The following RAD51B variants were observed in gnomAD, a reference collection of about 807,000 sequenced individuals.
RAD51B encodes RAD51 paralog B.
A neutral mutation model predicts 42.2 loss-of-function variants in RAD51B; 38 were observed. That is an observed-to-expected ratio of 0.90 (90% confidence interval 0.70 to 1.18). The LOEUF is 1.18. RAD51B is among the 50% of genes most tolerant of loss of function. RAD51B has a pLI of 0.00. For missense variants in RAD51B, 373 were observed against 400.7 expected, an observed-to-expected ratio of 0.93 and a Z score of 0.59; for synonymous variants, 154 against 145.2, an observed-to-expected ratio of 1.06 and a Z score of -0.43.
intron 9 of RAD51B, among the ~76,000 whole-genome samples, chr14:68,425,077 T>C (rs10151245): frequency 0.11 from 16,768 of 152,230 alleles, 1,537 homozygotes; most frequent in African/African-American, 0.25. Flanking sequence ...ACCTGGCCTA[T>C]ACCTATAATC....
rs188967934 is a variant in RAD51B, at chr14:68,056,796, C to T, written c.756+169592C>T. Among the ~76,000 whole-genome samples, 217 of 151,600 alleles carry T rather than the reference C, an allele frequency of 1.4e-3. 1 individual carries two copies. Among genetic ancestry groups the T allele is most frequent in the African/African-American group, 4.8e-3 (197 of 41,410 alleles). On this transcript the variant is annotated intron_variant, in intron 7 of 10. Coordinates refer to ENST00000471583, the MANE Select transcript of RAD51B (RefSeq NM_133510.4). Reference sequence around the variant, plus strand: ...TAATAAATAAAATAAGAAATATTTACGGCCAGGCGCGGTGGCTCACACCTG... The same window carrying T: ...TAATAAATAAAATAAGAAATATTTATGGCCAGGCGCGGTGGCTCACACCTG...
intron 10 of RAD51B, among the ~76,000 whole-genome samples, chr14:68,486,995 C>G (rs1883673665): frequency 6.6e-6 from 1 of 152,182 alleles, no homozygotes; most frequent in Admixed American, 6.5e-5. Context: ...AGTACGTATT[C>G]ACATGGCCTT....
intron 9 of RAD51B, among the ~76,000 whole-genome samples, chr14:68,442,615 A>C (rs1233786323): frequency 6.6e-6 from 1 of 151,044 alleles, no homozygotes; most frequent in Non-Finnish European, 1.5e-5. Context: ...TAATTTTTGT[A>C]TTTTTAGTAG....
intron 8 of RAD51B, among the ~76,000 whole-genome samples, chr14:68,352,194 A>G (rs2082804027): frequency 6.6e-6 from 1 of 152,254 alleles, no homozygotes; most frequent in African/African-American, 2.4e-5. Flanking sequence ...TGAATGAATG[A>G]TAGAATTAAT....
intron 9 of RAD51B, among the ~76,000 whole-genome samples, chr14:68,466,599 T>C (rs560918090): frequency 1.3e-5 from 2 of 152,338 alleles, no homozygotes; most frequent in African/African-American, 4.8e-5. Context: ...CCCAGAGTGT[T>C]GTCCACACCC....
rs138164768 is a variant in RAD51B, at chr14:68,433,780, T to C, written c.957+22253T>C. Reference sequence around the variant, plus strand: ...TCATTCTCCGTCCAGCTTTGTTCCATTGCTGGCGAGGAGCTGCGTTCCTTT... The same window carrying C: ...TCATTCTCCGTCCAGCTTTGTTCCACTGCTGGCGAGGAGCTGCGTTCCTTT... On this transcript the variant is annotated intron_variant, in intron 9 of 10. Coordinates refer to ENST00000471583, the MANE Select transcript of RAD51B (RefSeq NM_133510.4). Among the ~76,000 whole-genome samples the C allele has an allele frequency of 2.2e-4, 33 of 152,378 alleles. No individual in the cohort carries two copies. The East Asian group carries it at 5.4e-3, about 25-fold the overall frequency.
At chr14:68,075,774 G>T (rs767249929) in intron 7 of RAD51B, among the ~76,000 whole-genome samples, 13 of 152,198 alleles carry the variant, frequency 8.5e-5, no homozygotes, top group African/African-American at 1.7e-4. Context: ...AGAGGAGGGG[G>T]TGAGGGCTCA....
At chr14:68,663,360 T>G (rs1412640527) in intron 11 of RAD51B, among the ~76,000 whole-genome samples, 1 of 152,032 alleles carries the variant, frequency 6.6e-6, no homozygotes, top group Non-Finnish European at 1.5e-5. Context: ...TCAAGATATT[T>G]ATTTATCCTC....
At chr14:68,113,031 A>G (rs775412537) in intron 7 of RAD51B, among the ~76,000 whole-genome samples, 1 of 152,152 alleles carries the variant, frequency 6.6e-6, no homozygotes, top group Non-Finnish European at 1.5e-5. Flanking sequence ...GCCTGAAAAT[A>G]TTTTATAGAT....
intron 10 of RAD51B, chr14:68,563,329 TC>T (rs1363562489): frequency 1.0e-6 from 1 of 985,188 alleles, no homozygotes; most frequent in Non-Finnish European, 1.2e-6. Flanking sequence ...TGCTCCTTCT[TC>T]CCCTCCAGCT....
chr14:68,562,699 G>A (rs1594976056), intron 10 of RAD51B: 2 of 985,366 alleles, frequency 2.0e-6, no homozygotes, highest in Admixed American at 1.2e-4. Context: ...TGACTTGTTA[G>A]AGTGGCCATT....
chr14:68,525,569 T>C (rs905632190), intron 10 of RAD51B, among the ~76,000 whole-genome samples: 1 of 152,348 alleles, frequency 6.6e-6, no homozygotes, highest in South Asian at 2.1e-4. Flanking sequence ...CCCACCTGCA[T>C]ATGAGCACTT....
intron 10 of RAD51B, among the ~76,000 whole-genome samples, chr14:68,574,532 T>A (rs893431310): frequency 6.6e-6 from 1 of 152,038 alleles, no homozygotes; most frequent in Non-Finnish European, 1.5e-5. Flanking sequence ...GATAGCTTTG[T>A]CCTCCCACCC....
At chr14:68,501,371 C>T (rs769496565) in intron 10 of RAD51B, among the ~76,000 whole-genome samples, 8 of 152,176 alleles carry the variant, frequency 5.3e-5, no homozygotes, top group Non-Finnish European at 1.2e-4. Context: ...CCCTTGGCCA[C>T]CTTATTTTAA....
chr14:68,520,545 T>C (rs1455469492), intron 10 of RAD51B, among the ~76,000 whole-genome samples: 1 of 152,178 alleles, frequency 6.6e-6, no homozygotes, highest in Non-Finnish European at 1.5e-5. Flanking sequence ...TATAACTTCA[T>C]CAAATAGGAG....
intron 10 of RAD51B, among the ~76,000 whole-genome samples, chr14:68,536,277 C>T (rs1379542102): frequency 1.3e-5 from 2 of 152,156 alleles, no homozygotes; most frequent in Non-Finnish European, 2.9e-5. Context: ...AAAGATAATC[C>T]GCCAAAAGGA....
chr14:67,864,961 C>CTTTTTTTTTTTTTTTTTTTTTTTTTTT lies in RAD51B; in HGVS notation c.316-29_316-3dup, dbSNP rs745505141. On this transcript the variant is annotated intron_variant, in intron 4 of 10. Transcript: ENST00000471583. The stretch of plus-strand genomic sequence containing the variant: ...TGGCTTGTGATGTTTATCTAAAAAA[C>CTTTTTTTTTTTTTTTTTTTTTTTTTTT]TTTTTTTTTTTTTTTTTTTTTTTTT... The CTTTTTTTTTTTTTTTTTTTTTTTTTTT allele has an allele frequency of 4.5e-5, 29 of 645,020 alleles. 14 individuals carry two copies. Among genetic ancestry groups the CTTTTTTTTTTTTTTTTTTTTTTTTTTT allele is most frequent in the African/African-American group, 1.5e-4 (4 of 26,412 alleles). 40.0% of individuals were successfully genotyped at this position (645,020 alleles called of 1,614,324 possible).
chr14:68,614,577 T>G (rs1267135265), downstream of RAD51B, among the ~76,000 whole-genome samples: 2 of 152,250 alleles, frequency 1.3e-5, no homozygotes, highest in Non-Finnish European at 2.9e-5. Context: ...TGGATTTGCT[T>G]ATTCTGGACA....
intron 10 of RAD51B, among the ~76,000 whole-genome samples, chr14:68,648,022 C>CGT (rs1566963386): frequency 1.1e-3 from 26 of 24,114 alleles, no homozygotes; most frequent in East Asian, 5.4e-3. Context: ...TATATATATA[C>CGT]GTATATATAT....
Sources: allele counts gnomAD v4.1 joint callset (sites outside exome capture counted in the v4.1 genomes callset), GRCh38; gene constraint gnomAD v4.1.1; transcripts MANE v1.5; gene names NCBI Gene and HGNC (gene_info 2026-07-23, HGNC 2026-07-21).